The following XRCC5 variants were observed in gnomAD, a reference collection of about 807,000 sequenced individuals.
XRCC5 encodes the protein X-ray repair cross complementing 5.
A neutral mutation model predicts 95.7 loss-of-function variants in XRCC5; 12 were observed. That is an observed-to-expected ratio of 0.13 (90% CI 0.08 to 0.20). The LOEUF (loss-of-function observed/expected upper bound fraction) is 0.20, where lower values mean the gene tolerates loss of function less well. Ranked by LOEUF, XRCC5 falls within the 10% of genes least tolerant of loss-of-function variation. The pLI, the probability that XRCC5 is intolerant of heterozygous loss-of-function variation, is 1.00. For missense variants in XRCC5, 595 were observed against 873.9 expected, an observed-to-expected ratio of 0.68 and a Z score of 4.02; for synonymous variants, 281 against 290.3, an observed-to-expected ratio of 0.97 and a Z score of 0.33.
At chr2:216,171,854 C>G (rs1417052057) in intron 16 of XRCC5, among the ~76,000 whole-genome samples, 1 of 152,124 alleles carries the variant, frequency 6.6e-6, no homozygotes, top group Non-Finnish European at 1.5e-5. Context: ...CTTATTAATT[C>G]TACTTTTTAA....
At chr2:216,110,056 T>C (rs1287377908) in intron 1 of XRCC5, among the ~76,000 whole-genome samples, 1 of 152,186 alleles carries the variant, frequency 6.6e-6, no homozygotes, top group East Asian at 1.9e-4. Flanking sequence ...CCCCTTGAAG[T>C]GAAAACTATT....
intron 16 of XRCC5, among the ~76,000 whole-genome samples, chr2:216,188,298 CAT>C (rs1415120794): frequency 6.6e-6 from 1 of 152,200 alleles, no homozygotes; most frequent in Non-Finnish European, 1.5e-5. Flanking sequence ...CCTTAAAACT[CAT>C]AGCCCTCTTC....
chr2:216,123,206 G>T (rs1041192807), intron 6 of XRCC5, among the ~76,000 whole-genome samples: 11 of 152,260 alleles, frequency 7.2e-5, no homozygotes, highest in Admixed American at 7.2e-4. Flanking sequence ...TTTTTAAGTA[G>T]CTACAGTGTA....
At chr2:216,128,928 C>G (rs985175051) in intron 8 of XRCC5, among the ~76,000 whole-genome samples, 1 of 152,220 alleles carries the variant, frequency 6.6e-6, no homozygotes. Context: ...TAGGCCTGTA[C>G]TGCTTCAGAG....
chr2:216,180,321 C>G (rs1199234693), intron 16 of XRCC5, among the ~76,000 whole-genome samples: 2 of 152,126 alleles, frequency 1.3e-5, no homozygotes, highest in Non-Finnish European at 2.9e-5. Context: ...TAGGTGACTA[C>G]TTTGAAGAAT....
rs890827300 is a variant in XRCC5, at chr2:216,162,568, A to G, written c.1834+520A>G. ...AGGCGTGCACCACCATGCCCAGCTA[A>G]TTTTGTTTAGACGGGGTTTCTCCAT... On this transcript the variant is annotated intron_variant, in intron 16 of 20. Transcript: ENST00000392132. Among the ~76,000 whole-genome samples the G allele has an allele frequency of 2.0e-5, 3 of 151,692 alleles. No homozygotes were observed. In the South Asian group the frequency reaches 6.3e-4, roughly 32 times the overall value.
chr2:216,204,391 G>A lies in XRCC5; in HGVS notation c.2179G>A (p.Asp727Asn), dbSNP rs772117253. 1.4e-5 allele frequency: 22 copies of A among 1,613,734 alleles called. No individual in the cohort carries two copies. The highest frequency in any genetic ancestry group is 6.7e-5 in the East Asian group (3 of 44,878). Residue 727 changes from aspartate to asparagine, a missense_variant, in exon 20 of 21, where the codon GAT (aspartate) becomes AAT (asparagine). Coordinates refer to ENST00000392132, the MANE Select transcript of XRCC5 (RefSeq NM_021141.4). ...AVFEEGGDVD[D>N]LLDMI ...ATTTGAAGAAGGTGGTGATGTGGAC[G>A]ATTTAGTAAGTACTTTTAATATGCA...
chr2:216,134,970 T>C (rs576425718), intron 10 of XRCC5, among the ~76,000 whole-genome samples: 1 of 152,194 alleles, frequency 6.6e-6, no homozygotes, highest in Non-Finnish European at 1.5e-5. Context: ...TTCACAGGGC[T>C]CAAGACAGTG....
At chr2:216,155,580 G>A (rs893579734) in intron 14 of XRCC5, among the ~76,000 whole-genome samples, 2 of 152,200 alleles carry the variant, frequency 1.3e-5, no homozygotes, top group African/African-American at 4.8e-5. Context: ...AGCAACCAGT[G>A]TACTCGTCAC....
chr2:216,126,062 A>T (rs368209359), intron 7 of XRCC5, 31 bp downstream of exon 7: 18 of 1,549,820 alleles, frequency 1.2e-5, no homozygotes, highest in Non-Finnish European at 1.5e-5. Context: ...TTTAACAGAA[A>T]TGTTACCAGG....
intron 17 of XRCC5, 134 bp downstream of exon 17, chr2:216,190,468 G>A: frequency 1.6e-6 from 1 of 638,590 alleles, no homozygotes; most frequent in Non-Finnish European, 2.5e-6. Flanking sequence ...GTGTATGCCA[G>A]TGGAGCTAAA....
intron 14 of XRCC5, among the ~76,000 whole-genome samples, chr2:216,149,450 C>T (rs1213152318): frequency 6.6e-6 from 1 of 152,010 alleles, no homozygotes; most frequent in African/African-American, 2.4e-5. Context: ...TTTAGTCTAT[C>T]GTTCTACACA....
intron 7 of XRCC5, 87 bp downstream of exon 7, chr2:216,126,118 T>G (rs530003157): frequency 9.6e-7 from 1 of 1,039,674 alleles, no homozygotes; most frequent in African/African-American, 1.6e-5. Flanking sequence ...ATGTGTGTGT[T>G]ACTCGGAACC....
intron 16 of XRCC5, among the ~76,000 whole-genome samples, chr2:216,162,715 C>A (rs962465998): frequency 6.6e-6 from 1 of 152,116 alleles, no homozygotes; most frequent in African/African-American, 2.4e-5. Context: ...TTCAGAGACA[C>A]ATAATTCTTG....
intron 16 of XRCC5, among the ~76,000 whole-genome samples, chr2:216,170,923 T>TG (rs1689153500): frequency 6.6e-6 from 1 of 152,216 alleles, no homozygotes; most frequent in Admixed American, 6.5e-5. Context: ...TGTCATGTCA[T>TG]GTAGGGTATT....
intron 16 of XRCC5, among the ~76,000 whole-genome samples, chr2:216,183,512 A>G (rs946081414): frequency 1.3e-5 from 2 of 152,208 alleles, no homozygotes; most frequent in Non-Finnish European, 2.9e-5. Flanking sequence ...GGTAAGAATA[A>G]TAATAATAAT....
At chr2:216,142,253 G>A (rs778008769) in intron 13 of XRCC5, among the ~76,000 whole-genome samples, 10 of 152,116 alleles carry the variant, frequency 6.6e-5, no homozygotes, top group Non-Finnish European at 1.2e-4. Context: ...GAGCTTATAT[G>A]AACTCTATAA....
At chr2:216,183,551 TGAGGTGGTCA>T (rs1390298432) in intron 16 of XRCC5, among the ~76,000 whole-genome samples, 2 of 152,202 alleles carry the variant, frequency 1.3e-5, no homozygotes, top group African/African-American at 2.4e-5. Context: ...ATCTGTGTGT[TGAGGTGGTCA>T]GCACTTTGCA....
At chr2:216,147,973 A>C in intron 13 of XRCC5, 110 bp from the exon 14 acceptor site, 1 of 1,170,984 alleles carries the variant, frequency 8.5e-7, no homozygotes, top group Non-Finnish European at 1.2e-6. Context: ...TACATGTGGT[A>C]TGAATCACTT....
Sources: gnomAD v4.1 joint callset for allele counts (sites outside exome capture counted in the v4.1 genomes callset) on GRCh38, gnomAD v4.1.1 for gene constraint, MANE v1.5 for transcripts, NCBI Gene and HGNC (gene_info 2026-07-23, HGNC 2026-07-21) for gene names.